CD22: variants seen among roughly 807,000 people sequenced by gnomAD.
The protein encoded by CD22 is B-cell receptor CD22.
Under a neutral mutation model 94.7 loss-of-function variants are expected in CD22, and 51 were observed. The observed-to-expected ratio is 0.54, with a 90% CI of 0.43 to 0.68. The LOEUF is 0.68. Ranked by LOEUF, CD22 falls within the 30% of genes least tolerant of loss-of-function variation. CD22 has a pLI of 0.00. For synonymous variants in CD22, 424 were observed against 422.5 expected, an observed-to-expected ratio of 1.00 and a Z score of -0.04; for missense variants, 931 against 1,060.4, an observed-to-expected ratio of 0.88 and a Z score of 1.69.
intron 6 of CD22, among the ~76,000 whole-genome samples, chr19:35,339,316 C>A (rs2145665282): frequency 6.6e-6 from 1 of 152,172 alleles, no homozygotes; most frequent in South Asian, 2.1e-4. Flanking sequence ...AATCCCAGCA[C>A]TTTGGGAGGC....
intron 6 of CD22, 43 bp downstream of exon 6, chr19:35,338,474 A>T: frequency 6.3e-7 from 1 of 1,582,968 alleles, no homozygotes; most frequent in Non-Finnish European, 8.6e-7. Context: ...GAGAAGATGG[A>T]CACAGGGAAC....
At chr19:35,333,477 C>T (rs1035799902) in intron 3 of CD22, among the ~76,000 whole-genome samples, 2 of 152,230 alleles carry the variant, frequency 1.3e-5, no homozygotes, top group Non-Finnish European at 1.5e-5. Context: ...CCTACATGTG[C>T]AGTGCCATAA....
At position 35,341,892 on chromosome 19, in the gene CD22, G is replaced by T. The variant is rs759584926; in HGVS notation, c.1962G>T (p.Ser654=). ...TGGAGCCGGTGAAGGTCCAGCACTC[G>T]GGTGCCTACTGGTGCCAGGGGACCA... ...LRLEPVKVQH[S]GAYWCQGTNS... The change falls in exon 9 of 14, where the codon TCG becomes TCT. Residue 654 remains serine (S), a synonymous_variant. Transcript: ENST00000085219. The surrounding 1 kb of genome is among the most constrained non-coding windows in gnomAD (Gnocchi z 4.0). The T allele has an allele frequency of 6.2e-6, 10 of 1,613,846 alleles. No homozygotes were observed. Among genetic ancestry groups the T allele is most frequent in the Middle Eastern group, 3.3e-4 (2 of 6,084 alleles).
Position 35,338,154 on chromosome 19 carries a change from G to T in CD22, c.986-14G>T, listed in dbSNP as rs780406342. The T allele has an allele frequency of 8.7e-6, 14 of 1,601,772 alleles. No individual in the cohort carries two copies. Among genetic ancestry groups the T allele is most frequent in the Non-Finnish European group, 1.1e-5 (13 of 1,172,822 alleles). On this transcript the variant is annotated splice_polypyrimidine_tract_variant and intron_variant, in intron 5 of 13. Coordinates refer to ENST00000085219, the MANE Select transcript of CD22 (RefSeq NM_001771.4). Reference sequence around the variant, plus strand: ...TCTCCTCACCCCTCCACTCGCCTCTGCCCCCTCTTCCAGATGCCCCGGAAC... The same window carrying T: ...TCTCCTCACCCCTCCACTCGCCTCTTCCCCCTCTTCCAGATGCCCCGGAAC...
At chr19:35,332,148 G>A (rs1031864172) in intron 2 of CD22, 74 bp downstream of exon 2, 3 of 1,565,618 alleles carry the variant, frequency 1.9e-6, no homozygotes, top group Admixed American at 1.7e-5. Flanking sequence ...GAAAGACCCA[G>A]GCAGAGAGGC....
chr19:35,341,082 G>A lies in CD22; in HGVS notation c.1451G>A (p.Cys484Tyr). The change falls in exon 7 of 14, where the codon TGC becomes TAC. Residue 484 changes from cysteine to tyrosine, a missense_variant. Coordinates refer to ENST00000085219, the MANE Select transcript of CD22 (RefSeq NM_001771.4). The surrounding 1 kb of genome is among the most constrained non-coding windows in gnomAD (Gnocchi z 4.0). ...GGCTGGGACAACACAACCATCGCCT[G>A]CGCAGCTTGTAATAGTTGGTGCTCG... ...NVGWDNTTIA[C>Y]AACNSWCSWA... The A allele has an allele frequency of 6.2e-7, 1 of 1,614,220 alleles. No homozygotes were observed. The highest frequency in any genetic ancestry group is 8.5e-7 in the Non-Finnish European group (1 of 1,180,038).
At chr19:35,340,855 T>C (rs200699638) in intron 6 of CD22, 26 bp from the exon 7 acceptor site, 1 of 1,613,640 alleles carries the variant, frequency 6.2e-7, no homozygotes, top group Non-Finnish European at 8.5e-7. Context: ...GGCTTTTCTT[T>C]ACTCACCTCT....
At chr19:35,344,757 T>G (rs548164966) in intron 9 of CD22, 72 bp from the exon 10 acceptor site, 1 of 1,121,306 alleles carries the variant, frequency 8.9e-7, no homozygotes, top group South Asian at 1.4e-5. Context: ...AAGTCCAGGA[T>G]GCCTTCCAGG....
At chr19:35,340,586 C>T (rs1415989578) in intron 6 of CD22, among the ~76,000 whole-genome samples, 2 of 152,164 alleles carry the variant, frequency 1.3e-5, no homozygotes, top group African/African-American at 4.8e-5. Context: ...GGCCTCAGGA[C>T]CCCATTTGAC....
At chr19:35,346,080 T>C in intron 12 of CD22, 71 bp from the exon 13 acceptor site, 1 of 1,182,268 alleles carries the variant, frequency 8.5e-7, no homozygotes, top group Admixed American at 1.7e-5. Context: ...TTGGGGGCTC[T>C]GGGTGTTGAG....
At chr19:35,329,305 C>T (rs1294088281) in intron 1 of CD22, 75 bp downstream of exon 1, 8 of 968,490 alleles carry the variant, frequency 8.3e-6, no homozygotes, top group East Asian at 6.1e-5. Flanking sequence ...GCCAGGCATA[C>T]CTCCCAGAGC....
At chr19:35,330,017 A>G (rs2066623495) in intron 1 of CD22, 1 of 152,310 alleles carries the variant, frequency 6.6e-6, no homozygotes, top group Admixed American at 6.5e-5. Context: ...AGGTTTTTAA[A>G]GTCCTGCAGT....
At position 35,336,961 on chromosome 19, in the gene CD22, C is replaced by T. The variant is rs73031765; in HGVS notation, c.718+620C>T. ...TCTCTAAGAAGGTGAGCACTTAGGC[C>T]GGGTGCGGTGGCTCACGCCTGTAAT... is the stretch of plus-strand genomic sequence containing the variant. On this transcript the variant is annotated intron_variant, in intron 4 of 13. Transcript: ENST00000085219. Among the ~76,000 whole-genome samples, 1,606 of 151,858 alleles carry T rather than the reference C, an allele frequency of 0.011. 67 individuals carry two copies. The East Asian group carries it at 0.12, about 11-fold the overall frequency.
rs2066918044 is a variant in CD22 at position 35,346,929 on chromosome 19, A to G, written c.*232A>G. The G allele has an allele frequency of 2.1e-6, 1 of 469,936 alleles. No homozygotes were observed. Among genetic ancestry groups the G allele is most frequent in the Non-Finnish European group, 3.8e-6 (1 of 266,566 alleles). 29.1% of individuals were successfully genotyped at this position (469,936 alleles called of 1,614,324 possible). On this transcript the variant is annotated 3_prime_UTR_variant, in exon 14 of 14. Transcript: ENST00000085219. ...AAAACTCCTGCCCCTGTTCTCTTCCACTCTCCTTGCTACCCAGAAATCCAT... is the reference window on the plus strand; with the variant it reads ...AAAACTCCTGCCCCTGTTCTCTTCCGCTCTCCTTGCTACCCAGAAATCCAT...
chr19:35,346,724 TG>T lies in CD22; in HGVS notation c.*32del. On this transcript the variant is annotated 3_prime_UTR_variant, in exon 14 of 14. Coordinates refer to ENST00000085219, the MANE Select transcript of CD22 (RefSeq NM_001771.4). ...ACTGGATGGGCTGCAGCAGAGGCAC[TG>T]GGGGCAGCGGGGGCCAGGGAAGTCC... 1 of 1,580,486 alleles carries T rather than the reference TG, an allele frequency of 6.3e-7. No individual in the cohort carries two copies. Among genetic ancestry groups the T allele is most frequent in the Admixed American group, 1.8e-5 (1 of 56,420 alleles).
chr19:35,331,761 C>T (rs1251194461), intron 1 of CD22: 5 of 490,334 alleles, frequency 1.0e-5, no homozygotes, highest in East Asian at 5.3e-5. Context: ...GCCAGAGAAA[C>T]GCTTGAGCCT....
intron 13 of CD22, 68 bp from the exon 14 acceptor site, chr19:35,346,498 T>C (rs2066910143): frequency 9.7e-6 from 15 of 1,549,732 alleles, no homozygotes; most frequent in South Asian, 3.5e-5. Flanking sequence ...AAGGAGAGAA[T>C]GCGGAGAAAA....
chr19:35,339,958 A>C (rs1246807539), intron 6 of CD22, among the ~76,000 whole-genome samples: 1 of 152,180 alleles, frequency 6.6e-6, no homozygotes, highest in Non-Finnish European at 1.5e-5. Context: ...TGAAATTTTT[A>C]ATGAGAACTG....
chr19:35,345,768 G>A lies in CD22; in HGVS notation c.2327+48G>A. On this transcript the variant is annotated intron_variant, in intron 12 of 13. Transcript: ENST00000085219. Reference sequence around the variant, plus strand: ...GACCCTGCACCCTGGGAGGGAGGCGGGAGGAAAAGCTCTGTCCCGCCTGCC... The same window carrying A: ...GACCCTGCACCCTGGGAGGGAGGCGAGAGGAAAAGCTCTGTCCCGCCTGCC... 2.3e-6 allele frequency: 3 copies of A among 1,326,808 alleles called. No homozygotes were observed. The South Asian group carries it at 3.5e-5, about 16-fold the overall frequency. 82.2% of individuals were successfully genotyped at this position (1,326,808 alleles called of 1,614,324 possible). A position where few individuals can be genotyped will look rare whatever the true frequency, so the allele number is the denominator to read the frequency against.
Sources: gnomAD v4.1 joint callset for allele counts (sites outside exome capture counted in the v4.1 genomes callset) on GRCh38, gnomAD v4.1.1 for gene constraint, Gnocchi (gnomAD v3.1) non-coding constraint, MANE v1.5 for transcripts, NCBI Gene and HGNC (gene_info 2026-07-23, HGNC 2026-07-21) for gene names.